The following KIF6 variants were observed in gnomAD, a reference collection of about 807,000 sequenced individuals.
KIF6 encodes the protein kinesin-like protein KIF6.
Under a neutral mutation model 112.7 loss-of-function variants are expected in KIF6, and 106 were observed. That is an observed-to-expected ratio of 0.94 (90% CI 0.80 to 1.11). The LOEUF is 1.11. KIF6 is among the 50% of genes least tolerant of loss of function. The pLI, the probability that KIF6 is intolerant of heterozygous loss-of-function variation, is 0.00. For missense variants in KIF6, 929 were observed against 964.0 expected, an observed-to-expected ratio of 0.96 and a Z score of 0.48; for synonymous variants, 339 against 339.9, an observed-to-expected ratio of 1.00 and a Z score of 0.03.
At chr6:39,670,177 C>T (rs1786723075) in intron 3 of KIF6, among the ~76,000 whole-genome samples, 1 of 152,150 alleles carries the variant, frequency 6.6e-6, no homozygotes, top group African/African-American at 2.4e-5. Context: ...GTTTGGGGAA[C>T]ATCCAAGGAG....
chr6:39,431,414 A>C (rs1287522973), intron 13 of KIF6: 4 of 362,818 alleles, frequency 1.1e-5, no homozygotes, highest in Middle Eastern at 1.4e-3. Context: ...CGGGGTTTGG[A>C]ATGCCTGCTC....
intron 13 of KIF6, among the ~76,000 whole-genome samples, 183 bp downstream of exon 13, chr6:39,539,820 T>C (rs769066944): frequency 6.6e-5 from 10 of 152,218 alleles, no homozygotes; most frequent in African/African-American, 1.2e-4. Context: ...AAATTCATAG[T>C]TGGTTCCCCT....
intron 3 of KIF6, among the ~76,000 whole-genome samples, chr6:39,694,774 A>G (rs1277023197): frequency 1.3e-5 from 2 of 152,224 alleles, no homozygotes; most frequent in Non-Finnish European, 1.5e-5. Flanking sequence ...CACTTTTCCT[A>G]TCAAATTACC....
At chr6:39,487,270 C>T (rs956216821) in intron 13 of KIF6, among the ~76,000 whole-genome samples, 1 of 152,164 alleles carries the variant, frequency 6.6e-6, no homozygotes, top group East Asian at 1.9e-4. Context: ...CAGCTATATC[C>T]CCATTCAGGA....
At chr6:39,466,277 C>A (rs1405371803) in intron 13 of KIF6, among the ~76,000 whole-genome samples, 1 of 152,146 alleles carries the variant, frequency 6.6e-6, no homozygotes, top group Non-Finnish European at 1.5e-5. Context: ...CAAACACCGG[C>A]TGCCAGGATT....
chr6:39,694,451 T>C (rs1370760253), intron 3 of KIF6, among the ~76,000 whole-genome samples: 2 of 152,214 alleles, frequency 1.3e-5, no homozygotes, highest in Admixed American at 1.3e-4. Context: ...CTAGACCTGA[T>C]AAATGACTTC....
In KIF6 at chr6:39,342,888, A is replaced by G. The variant is rs2113895926; in HGVS notation, c.2428+821T>C. ...GGTGGAGAAGCTGAGTGCAGGCGCC[A>G]CAGGGCAGGCATCAGTCATTATACA... On this transcript the variant is annotated intron_variant, in intron 22 of 22. Coordinates refer to ENST00000287152, the MANE Select transcript of KIF6 (RefSeq NM_145027.6). This position sits in a 1 kb window ranked among gnomAD's most constrained non-coding sequence, Gnocchi z 4.7. 1 of 985,398 alleles carries G rather than the reference A, an allele frequency of 1.0e-6. No individual in the cohort carries two copies. The highest frequency in any genetic ancestry group is 1.2e-6 in the Non-Finnish European group (1 of 829,916). 61.0% of individuals were successfully genotyped at this position (985,398 alleles called of 1,614,324 possible).
intron 4 of KIF6, among the ~76,000 whole-genome samples, chr6:39,638,697 C>T (rs1360140311): frequency 6.6e-6 from 1 of 152,060 alleles, no homozygotes; most frequent in African/African-American, 2.4e-5. Context: ...TTTGGAGTGA[C>T]TGTTATATTG....
chr6:39,488,136 A>G (rs1405896799), intron 13 of KIF6, among the ~76,000 whole-genome samples: 1 of 152,028 alleles, frequency 6.6e-6, no homozygotes, highest in Admixed American at 6.6e-5. Context: ...ATGACCTACG[A>G]AGTTATTTTC....
chr6:39,489,463 G>A (rs1174716897), intron 13 of KIF6, among the ~76,000 whole-genome samples: 1 of 152,110 alleles, frequency 6.6e-6, no homozygotes, highest in Non-Finnish European at 1.5e-5. Context: ...TTTCTTACTT[G>A]TGGTGAGGGA....
Position 39,706,120 on chromosome 6 carries a change from T to C in KIF6, c.251+8572A>G, listed in dbSNP as rs768867018. ...ATTTTCACCCCTTGCATATACAATATTCTGTCAAGGAATCCTACTTCTTAC... is the reference window on the plus strand; with the variant it reads ...ATTTTCACCCCTTGCATATACAATACTCTGTCAAGGAATCCTACTTCTTAC... On this transcript the variant is annotated intron_variant, in intron 3 of 22. Coordinates refer to ENST00000287152, the MANE Select transcript of KIF6 (RefSeq NM_145027.6). Among the ~76,000 whole-genome samples, 16 of 152,336 alleles carry C rather than the reference T, an allele frequency of 1.1e-4. No individual in the cohort carries two copies. The East Asian group carries it at 1.2e-3, about 11-fold the overall frequency.
chr6:39,489,976 G>A (rs1775374888), intron 13 of KIF6, among the ~76,000 whole-genome samples: 1 of 152,182 alleles, frequency 6.6e-6, no homozygotes, highest in Non-Finnish European at 1.5e-5. Flanking sequence ...TTGGATATAT[G>A]TAAAAGCTCT....
intron 1 of KIF6, among the ~76,000 whole-genome samples, chr6:39,722,328 C>A (rs1362665006): frequency 6.6e-6 from 1 of 152,136 alleles, no homozygotes; most frequent in Non-Finnish European, 1.5e-5. Flanking sequence ...CTCTTTGAGG[C>A]CTTAAGAAAA....
At chr6:39,660,621 T>C (rs1034941708) in intron 3 of KIF6, among the ~76,000 whole-genome samples, 13 of 152,210 alleles carry the variant, frequency 8.5e-5, no homozygotes, top group African/African-American at 2.9e-4. Context: ...AAGCTAAATT[T>C]TTTTTTGAGC....
At chr6:39,665,928 T>A (rs1231612512) in intron 3 of KIF6, among the ~76,000 whole-genome samples, 1 of 152,176 alleles carries the variant, frequency 6.6e-6, no homozygotes, top group Non-Finnish European at 1.5e-5. Flanking sequence ...GACCACAAAT[T>A]TGACAGAAAC....
chr6:39,474,220 T>C (rs930091234), intron 13 of KIF6, among the ~76,000 whole-genome samples: 2 of 152,200 alleles, frequency 1.3e-5, no homozygotes, highest in African/African-American at 4.8e-5. Context: ...AACTGCTAAA[T>C]AGGGAAAACA....
At chr6:39,633,412 G>A (rs10498743) in intron 5 of KIF6, among the ~76,000 whole-genome samples, 11,114 of 152,178 alleles carry the variant, frequency 0.073, 439 homozygotes, top group Middle Eastern at 0.11. Context: ...ACAGTCTTAG[G>A]TAAGTTATTT....
At chr6:39,411,122 G>T (rs182008470) in intron 15 of KIF6, among the ~76,000 whole-genome samples, 60 of 152,330 alleles carry the variant, frequency 3.9e-4, no homozygotes, top group African/African-American at 1.4e-3. Flanking sequence ...GGATATTAAA[G>T]GATATTTTCA....
chr6:39,385,229 C>G (rs938237613), intron 16 of KIF6, among the ~76,000 whole-genome samples: 2 of 152,162 alleles, frequency 1.3e-5, no homozygotes, highest in South Asian at 4.1e-4. Flanking sequence ...GCAACAGACA[C>G]GGGTCTGTAA....
Sources: gnomAD v4.1 joint callset for allele counts (sites outside exome capture counted in the v4.1 genomes callset) on GRCh38, gnomAD v4.1.1 for gene constraint, Gnocchi (gnomAD v3.1) non-coding constraint, MANE v1.5 for transcripts, NCBI Gene and HGNC (gene_info 2026-07-23, HGNC 2026-07-21) for gene names.